The following SGCD variants were observed in gnomAD, a reference collection of about 807,000 sequenced individuals.
SGCD encodes delta-sarcoglycan.
Under a neutral mutation model 36.6 loss-of-function variants are expected in SGCD, and 18 were observed. That is an observed-to-expected ratio of 0.49 (90% CI 0.34 to 0.73). The LOEUF is 0.73. SGCD is among the 30% of genes least tolerant of loss of function. The pLI is 0.01. For synonymous variants in SGCD, 133 were observed against 130.6 expected (o/e 1.02, Z -0.12); for missense variants, 387 against 346.7 (o/e 1.12, Z -0.92).
chr5:156,650,662 G>T (rs1490247975), intron 7 of SGCD, among the ~76,000 whole-genome samples: 1 of 152,080 alleles, frequency 6.6e-6, no homozygotes, highest in Non-Finnish European at 1.5e-5. Context: ...CAGAGGACAT[G>T]ATTTTGTTAG....
intron 7 of SGCD, among the ~76,000 whole-genome samples, chr5:156,674,097 G>A (rs1478106135): frequency 6.6e-6 from 1 of 152,202 alleles, no homozygotes; most frequent in Non-Finnish European, 1.5e-5. Flanking sequence ...GAAGGCGTTA[G>A]GCTTCTTCTG....
chr5:156,083,641 A>G (rs1561712793), intron 1 of SGCD, among the ~76,000 whole-genome samples: 1 of 149,196 alleles, frequency 6.7e-6, no homozygotes, highest in Non-Finnish European at 1.5e-5. Flanking sequence ...TTGGTATCAC[A>G]TTTAAAGACT....
At chr5:156,711,269 T>G (rs157349) in intron 7 of SGCD, among the ~76,000 whole-genome samples, 139,755 of 152,180 alleles carry the variant, frequency 0.92, 64,347 homozygotes, top group East Asian at 0.99. Context: ...TACAGTGTTT[T>G]CCCCATAGAG....
intron 7 of SGCD, among the ~76,000 whole-genome samples, chr5:156,694,681 T>C (rs1036421035): frequency 1.3e-5 from 2 of 152,206 alleles, no homozygotes; most frequent in Non-Finnish European, 2.9e-5. Flanking sequence ...AAAACATCAT[T>C]CTCCAAGACC....
chr5:156,024,053 G>A (rs1382639873), intron 1 of SGCD, among the ~76,000 whole-genome samples: 1 of 152,178 alleles, frequency 6.6e-6, no homozygotes, highest in African/African-American at 2.4e-5. Context: ...CAGTGATCAT[G>A]ATTTAGTCAG....
the SGCD span, among the ~76,000 whole-genome samples, chr5:155,822,854 G>A: frequency 2.6e-5 from 4 of 152,140 alleles, no homozygotes; most frequent in African/African-American, 9.7e-5. Context: ...TTATAGAATA[G>A]TGCTTGCCTC....
At chr5:155,747,367 G>A in the SGCD span, among the ~76,000 whole-genome samples, 3 of 152,172 alleles carry the variant, frequency 2.0e-5, no homozygotes, top group South Asian at 6.2e-4. Flanking sequence ...TTCTGGAATT[G>A]ATTGACTTTC....
intron 3 of SGCD, among the ~76,000 whole-genome samples, chr5:156,479,860 C>G (rs1755347004): frequency 1.3e-5 from 2 of 152,176 alleles, no homozygotes; most frequent in Admixed American, 1.3e-4. Flanking sequence ...AGAATCTGCT[C>G]TCTTGGTTCT....
Position 156,764,003 on chromosome 5 carries a change from A to G in SGCD, c.*4613A>G, listed in dbSNP as rs1366319439. The G allele has an allele frequency of 6.6e-6, 1 of 152,196 alleles. No individual in the cohort carries two copies. Among genetic ancestry groups the G allele is most frequent in the African/African-American group, 2.4e-5 (1 of 41,450 alleles). The allele number at this position is 152,196 out of a possible 1,614,324, so 9.4% of individuals were successfully genotyped here. A position where few individuals can be genotyped will look rare whatever the true frequency, so the allele number is the denominator to read the frequency against. On this transcript the variant is annotated 3_prime_UTR_variant, in exon 9 of 9. Coordinates refer to ENST00000337851, the MANE Select transcript of SGCD (RefSeq NM_000337.6). ...CCTGATACTGATTTTTCAAGGCTCTATGAAAGGTCAAAAATTTCATTAAAC... is the reference window on the plus strand; with the variant it reads ...CCTGATACTGATTTTTCAAGGCTCTGTGAAAGGTCAAAAATTTCATTAAAC...
chr5:155,842,287 CT>C, the SGCD span, among the ~76,000 whole-genome samples: 1 of 132,910 alleles, frequency 7.5e-6, no homozygotes, highest in African/African-American at 2.9e-5. Context: ...AAAAAGATAA[CT>C]GACTGGCTGG....
chr5:156,719,492 A>G (rs1223162260), intron 7 of SGCD, among the ~76,000 whole-genome samples: 2 of 152,170 alleles, frequency 1.3e-5, no homozygotes, highest in African/African-American at 4.8e-5. Context: ...ATAATTAACC[A>G]TTAGAGATTG....
intron 4 of SGCD, among the ~76,000 whole-genome samples, chr5:156,564,033 T>C (rs1305059057): frequency 6.6e-6 from 1 of 152,254 alleles, no homozygotes; most frequent in Non-Finnish European, 1.5e-5. Flanking sequence ...GTTTACCCTT[T>C]TGGGAAATCA....
intron 3 of SGCD, among the ~76,000 whole-genome samples, chr5:156,437,697 C>T (rs1201961865): frequency 2.6e-5 from 4 of 152,144 alleles, no homozygotes; most frequent in Non-Finnish European, 5.9e-5. Flanking sequence ...AAAGGGGAGT[C>T]ACAATTTGAC....
chr5:156,444,130 C>T (rs1409274526), intron 3 of SGCD, among the ~76,000 whole-genome samples: 2 of 127,280 alleles, frequency 1.6e-5, no homozygotes, highest in Non-Finnish European at 3.5e-5. Context: ...TTCCCTCTCT[C>T]TCTCTCTCCT....
intron 6 of SGCD, among the ~76,000 whole-genome samples, chr5:156,637,523 C>G (rs1048851851): frequency 2.0e-4 from 30 of 152,256 alleles, no homozygotes; most frequent in African/African-American, 6.7e-4. Flanking sequence ...ACATCCTTAC[C>G]CTCTTGTGGA....
chr5:156,644,386 A>T (rs957501047), intron 6 of SGCD, among the ~76,000 whole-genome samples: 3 of 152,098 alleles, frequency 2.0e-5, no homozygotes, highest in African/African-American at 7.2e-5. Context: ...TTCTCAGGTC[A>T]GTCTTTGGAG....
chr5:156,650,729 A>G (rs1763426122), intron 7 of SGCD, among the ~76,000 whole-genome samples: 1 of 151,986 alleles, frequency 6.6e-6, no homozygotes, highest in South Asian at 2.1e-4. Flanking sequence ...TCTTTCTCCA[A>G]TCCATCATTG....
intron 1 of SGCD, among the ~76,000 whole-genome samples, chr5:156,045,712 C>T (rs1019462021): frequency 3.9e-5 from 6 of 152,140 alleles, no homozygotes; most frequent in African/African-American, 1.4e-4. Context: ...AATGGCCATT[C>T]CTTGGTTCAT....
chr5:155,767,301 C>T, the SGCD span, among the ~76,000 whole-genome samples: 3 of 152,198 alleles, frequency 2.0e-5, no homozygotes, highest in East Asian at 5.8e-4. Context: ...TGTCAGTTGC[C>T]TGAACTTCCC....
Sources: allele counts gnomAD v4.1 joint callset (sites outside exome capture counted in the v4.1 genomes callset), GRCh38; gene constraint gnomAD v4.1.1; transcripts MANE v1.5; gene names NCBI Gene and HGNC (gene_info 2026-07-23, HGNC 2026-07-21).